Variants in EBF2 observed in about 807,000 individuals in gnomAD.
The protein encoded by EBF2 is EBF transcription factor 2, also known as transcription factor COE2.
In EBF2, 21 loss-of-function variants were observed where a neutral mutation model predicts 72.8. The ratio of observed to expected loss-of-function variants is 0.29; its 90% CI spans 0.20 to 0.42. The LOEUF (loss-of-function observed/expected upper bound fraction) is 0.42. Ranked by LOEUF, EBF2 falls within the 10% of genes least tolerant of loss-of-function variation. The pLI is 1.00. For synonymous variants in EBF2, 299 were observed against 274.2 expected (o/e 1.09, Z -0.89); for missense variants, 637 against 731.2 (o/e 0.87, Z 1.49).
intron 6 of EBF2, among the ~76,000 whole-genome samples, chr8:25,967,662 G>T (rs1329725690): frequency 1.3e-5 from 2 of 152,326 alleles, no homozygotes; most frequent in South Asian, 2.1e-4. Context: ...ATAAATCTAT[G>T]TGTGTTGGGG....
intron 6 of EBF2, among the ~76,000 whole-genome samples, chr8:25,977,384 G>A (rs551400116): frequency 4.5e-4 from 68 of 152,244 alleles, no homozygotes; most frequent in Admixed American, 3.8e-3. Flanking sequence ...CCCAGTTAAA[G>A]GGGGTAGGGC....
chr8:25,878,962 G>A (rs1455642682), intron 10 of EBF2, among the ~76,000 whole-genome samples: 2 of 152,084 alleles, frequency 1.3e-5, no homozygotes, highest in Non-Finnish European at 2.9e-5. Flanking sequence ...GTATTTAAAC[G>A]TGTGATGCTA....
rs1255178203 is a variant in EBF2, at chr8:25,900,451, C to A, written c.633+8023G>T. On this transcript the variant is annotated intron_variant, in intron 7 of 15. Transcript: ENST00000520164. Reference sequence around the variant, plus strand: ...TCCAGCCTCAGTGACAGAGTAAGACCCTGTCTGTAAAAAAAGAAAGAAAAA... The same window carrying A: ...TCCAGCCTCAGTGACAGAGTAAGACACTGTCTGTAAAAAAAGAAAGAAAAA... Among the ~76,000 whole-genome samples the A allele has an allele frequency of 4.8e-5, 6 of 125,558 alleles. No individual in the cohort carries two copies. In the East Asian group the frequency reaches 1.4e-3, roughly 28 times the overall value. 82.4% of individuals were successfully genotyped at this position (125,558 alleles called of 152,430 possible). A position where few individuals can be genotyped will look rare whatever the true frequency, so the allele number is the denominator to read the frequency against.
At chr8:25,934,481 C>T (rs972944594) in intron 6 of EBF2, among the ~76,000 whole-genome samples, 7 of 152,148 alleles carry the variant, frequency 4.6e-5, no homozygotes, top group African/African-American at 1.7e-4. Flanking sequence ...TTTTGTCTCT[C>T]CACCAGTCAT....
chr8:26,021,000 C>T (rs548723977), intron 6 of EBF2, among the ~76,000 whole-genome samples: 11 of 152,194 alleles, frequency 7.2e-5, no homozygotes, highest in Admixed American at 4.6e-4. Context: ...ATTTATCACT[C>T]GAGCCTAAAC....
chr8:25,866,817 A>G (rs767451183), intron 10 of EBF2, among the ~76,000 whole-genome samples: 10 of 151,090 alleles, frequency 6.6e-5, no homozygotes, highest in Non-Finnish European at 1.0e-4. Context: ...TTTTTAGTAG[A>G]GATGGGGTTT....
At chr8:25,944,283 A>T (rs1326097489) in intron 6 of EBF2, among the ~76,000 whole-genome samples, 1 of 152,110 alleles carries the variant, frequency 6.6e-6, no homozygotes, top group South Asian at 2.1e-4. Flanking sequence ...CTAGCATTCC[A>T]CCAAAGTGAT....
intron 14 of EBF2, among the ~76,000 whole-genome samples, chr8:25,855,826 C>A (rs1039924033): frequency 1.3e-5 from 2 of 152,132 alleles, no homozygotes; most frequent in African/African-American, 4.8e-5. Context: ...TCAGACCCTC[C>A]CTCCAAAAGT....
intron 10 of EBF2, among the ~76,000 whole-genome samples, chr8:25,863,967 A>G (rs377561494): frequency 1.3e-5 from 2 of 152,274 alleles, no homozygotes; most frequent in East Asian, 3.9e-4. Flanking sequence ...CTTTTATAAC[A>G]TTATTTTAAA....
rs536139336 is a variant in EBF2, at chr8:25,977,457, G to A, written c.551+55628C>T. Among the ~76,000 whole-genome samples the A allele has an allele frequency of 1.9e-4, 29 of 152,270 alleles. No individual in the cohort carries two copies. The South Asian group carries it at 5.8e-3, about 31-fold the overall frequency. ...GCAGAGGGGTGCTTGATAAAGGCAT[G>A]AGGAGTGATAATTGATTTTCCAAGC... On this transcript the variant is annotated intron_variant, in intron 6 of 15. Transcript: ENST00000520164.
intron 1 of EBF2, among the ~76,000 whole-genome samples, chr8:26,043,577 C>T (rs1191858488): frequency 6.6e-6 from 1 of 152,210 alleles, no homozygotes; most frequent in African/African-American, 2.4e-5. Flanking sequence ...CCGCGCTCCC[C>T]GGGCCACAGG....
intron 6 of EBF2, among the ~76,000 whole-genome samples, chr8:25,937,077 T>G (rs1208857062): frequency 6.6e-6 from 1 of 152,218 alleles, no homozygotes; most frequent in African/African-American, 2.4e-5. Context: ...AACAATGAGA[T>G]GTAAGAGAAC....
chr8:25,977,724 C>T (rs935951420), intron 6 of EBF2, among the ~76,000 whole-genome samples: 2 of 152,098 alleles, frequency 1.3e-5, no homozygotes, highest in African/African-American at 4.8e-5. Flanking sequence ...CTTCCTTGCC[C>T]GAAGTGCACA....
intron 15 of EBF2, among the ~76,000 whole-genome samples, chr8:25,846,559 G>A (rs1004024913): frequency 3.9e-5 from 6 of 152,046 alleles, no homozygotes; most frequent in African/African-American, 1.2e-4. Context: ...GGTGGTACAT[G>A]CCTATAGTCT....
chr8:25,897,817 G>A (rs999800696), intron 7 of EBF2, among the ~76,000 whole-genome samples: 1 of 152,178 alleles, frequency 6.6e-6, no homozygotes, highest in African/African-American at 2.4e-5. Flanking sequence ...ATGCAGCAAT[G>A]AACATACAAA....
At chr8:25,979,750 C>A (rs1355988442) in intron 6 of EBF2, among the ~76,000 whole-genome samples, 1 of 152,040 alleles carries the variant, frequency 6.6e-6, no homozygotes, top group South Asian at 2.1e-4. Context: ...CTGAATGGTT[C>A]GTCTCTTTTT....
chr8:25,937,557 G>A (rs1803599767), intron 6 of EBF2, among the ~76,000 whole-genome samples: 1 of 152,090 alleles, frequency 6.6e-6, no homozygotes, highest in South Asian at 2.1e-4. Context: ...ATTGACATGG[G>A]CGATGGGGCG....
At position 25,861,348 on chromosome 8, in the gene EBF2, A is replaced by T. The variant is rs1802209933; in HGVS notation, c.1125T>A (p.Asp375Glu). 6.2e-7 allele frequency: 1 copy of T among 1,614,240 alleles called. No homozygotes were observed. The stretch of plus-strand genomic sequence containing the variant: ...GTGTGCCATAAAGAGCTTCCACTAG[A>T]TCTGCAGCTCTTTTCAACAGCATCT... ...AKEMLLKRAADLVEALYGTPH... is the reference protein window; with the variant it reads ...AKEMLLKRAAELVEALYGTPH... Residue 375 changes from aspartate (D) to glutamate (E), a missense_variant, in exon 12 of 16, where the codon GAT becomes GAA. Transcript: ENST00000520164.
At chr8:26,029,901 C>A (rs1187233368) in intron 6 of EBF2, among the ~76,000 whole-genome samples, 1 of 152,154 alleles carries the variant, frequency 6.6e-6, no homozygotes, top group East Asian at 1.9e-4. Context: ...GGAAACCTGA[C>A]TTTATGCCCT....
Sources: gnomAD v4.1 joint callset for allele counts (sites outside exome capture counted in the v4.1 genomes callset) on GRCh38, gnomAD v4.1.1 for gene constraint, MANE v1.5 for transcripts, NCBI Gene and HGNC (gene_info 2026-07-23, HGNC 2026-07-21) for gene names.